Variants in KATNA1 observed in about 807,000 individuals in gnomAD.
The protein encoded by KATNA1 is katanin catalytic subunit A1.
A neutral mutation model predicts 62.6 loss-of-function variants in KATNA1; 42 were observed. The observed-to-expected ratio is 0.67, with a 90% CI of 0.52 to 0.87. The LOEUF (loss-of-function observed/expected upper bound fraction) is 0.87. Ranked by LOEUF, KATNA1 falls within the 40% of genes least tolerant of loss-of-function variation. KATNA1 has a pLI of 0.00. For missense variants in KATNA1, 498 were observed against 612.5 expected, an observed-to-expected ratio of 0.81 and a Z score of 1.97; for synonymous variants, 186 against 201.9, an observed-to-expected ratio of 0.92 and a Z score of 0.67.
chr6:149,630,509 A>C (rs1297228690), intron 3 of KATNA1, among the ~76,000 whole-genome samples: 1 of 152,166 alleles, frequency 6.6e-6, no homozygotes, highest in East Asian at 1.9e-4. Context: ...CGTGCCTGTA[A>C]TTCCAGCTAC....
intron 3 of KATNA1, among the ~76,000 whole-genome samples, chr6:149,628,432 A>G (rs1403874709): frequency 6.6e-6 from 1 of 151,938 alleles, no homozygotes; most frequent in Non-Finnish European, 1.5e-5. Flanking sequence ...TTTGTGTACA[A>G]TTCTAGAAGA....
chr6:149,600,194 T>TAAAAA (rs67468519), intron 7 of KATNA1, among the ~76,000 whole-genome samples: 1 of 67,992 alleles, frequency 1.5e-5, no homozygotes, highest in African/African-American at 6.2e-5. Flanking sequence ...GAGCTTATCT[T>TAAAAA]AAAAAAAAAA....
chr6:149,631,966 A>G (rs1193870036), intron 3 of KATNA1, among the ~76,000 whole-genome samples: 1 of 152,242 alleles, frequency 6.6e-6, no homozygotes, highest in South Asian at 2.1e-4. Flanking sequence ...CTATGAATTA[A>G]AAAGCCAATT....
At chr6:149,611,340 T>C (rs1473914900) in intron 4 of KATNA1, among the ~76,000 whole-genome samples, 1 of 150,340 alleles carries the variant, frequency 6.7e-6, no homozygotes, top group Non-Finnish European at 1.5e-5. Context: ...CGGGGGCCTG[T>C]AATCTCAGCT....
chr6:149,634,820 AT>A (rs1228879997), intron 2 of KATNA1, among the ~76,000 whole-genome samples: 1 of 152,210 alleles, frequency 6.6e-6, no homozygotes, highest in Non-Finnish European at 1.5e-5. Flanking sequence ...TCAGTAAATA[AT>A]TTCTAAAAAT....
chr6:149,622,031 A>G (rs1422605185), intron 4 of KATNA1, among the ~76,000 whole-genome samples: 2 of 152,178 alleles, frequency 1.3e-5, no homozygotes, highest in Admixed American at 1.3e-4. Context: ...TCTATATGAC[A>G]TTATTGGGAT....
chr6:149,612,380 G>A (rs1474263797), intron 4 of KATNA1, among the ~76,000 whole-genome samples: 2 of 151,990 alleles, frequency 1.3e-5, no homozygotes, highest in African/African-American at 2.4e-5. Context: ...GTGGTGGCAC[G>A]CATCTGTAAC....
At chr6:149,632,263 T>C (rs1230499328) in intron 3 of KATNA1, among the ~76,000 whole-genome samples, 3 of 151,330 alleles carry the variant, frequency 2.0e-5, no homozygotes, top group Non-Finnish European at 4.4e-5. Flanking sequence ...TAGTCCCAGC[T>C]GCTCAGGAGG....
chr6:149,605,172 C>CA (rs377444733), intron 4 of KATNA1, among the ~76,000 whole-genome samples: 1,309 of 121,332 alleles, frequency 0.011, 17 homozygotes, highest in African/African-American at 0.035. Context: ...GACACCAACT[C>CA]AAAAAAAAAA....
intron 1 of KATNA1, 178 bp from the exon 2 acceptor site, chr6:149,638,738 T>TG (rs1554226415): frequency 1.2e-5 from 5 of 432,506 alleles, no homozygotes; most frequent in Admixed American, 7.9e-5. Context: ...TTGTTTTTTT[T>TG]TTTTTTTTTT....
Position 149,623,289 on chromosome 6 carries a change from C to A in KATNA1, c.321-6G>T. 1 of 1,573,966 alleles carries A rather than the reference C, an allele frequency of 6.4e-7. No individual in the cohort carries two copies. The highest frequency in any genetic ancestry group is 1.2e-5 in the South Asian group (1 of 84,776). On this transcript the variant is annotated splice_polypyrimidine_tract_variant and splice_region_variant and intron_variant, in intron 3 of 10. Transcript: ENST00000367411. ...TTCTAGGTCCTGGTGAGGGTCTAAT[C>A]AAACAAAAACTCATTAATATCATAA... is the stretch of plus-strand genomic sequence containing the variant.
chr6:149,628,821 A>C, intron 3 of KATNA1, among the ~76,000 whole-genome samples: 1 of 149,580 alleles, frequency 6.7e-6, no homozygotes, highest in East Asian at 1.9e-4. Flanking sequence ...CTCCATCTCA[A>C]AAAAAAAAAA....
At chr6:149,640,784 T>A (rs545316689) in intron 1 of KATNA1, among the ~76,000 whole-genome samples, 1 of 152,220 alleles carries the variant, frequency 6.6e-6, no homozygotes, top group East Asian at 1.9e-4. Flanking sequence ...TGGGACCTCG[T>A]GATCCGCCCG....
At position 149,637,836 on chromosome 6, in the gene KATNA1, C is replaced by T. The variant is rs57322776; in HGVS notation, c.162+550G>A. ...GAGGAAAAAACAAAACAAAAAAAACCCCTCTTATTAGATTCCAGCAATTAG... is the reference window on the plus strand; with the variant it reads ...GAGGAAAAAACAAAACAAAAAAAACTCCTCTTATTAGATTCCAGCAATTAG... On this transcript the variant is annotated intron_variant, in intron 2 of 10. Transcript: ENST00000367411. Among the ~76,000 whole-genome samples the T allele has an allele frequency of 4.7e-3, 721 of 152,088 alleles. 5 individuals are homozygous for T. The highest frequency in any genetic ancestry group is 0.016 in the African/African-American group (683 of 41,466).
chr6:149,640,050 C>G (rs540750637), intron 1 of KATNA1, among the ~76,000 whole-genome samples: 1 of 152,128 alleles, frequency 6.6e-6, no homozygotes, highest in Admixed American at 6.5e-5. Context: ...AATCAAGTCC[C>G]TTAACTTTTT....
chr6:149,605,384 A>G (rs904271889), intron 4 of KATNA1, among the ~76,000 whole-genome samples: 2 of 152,214 alleles, frequency 1.3e-5, no homozygotes, highest in Non-Finnish European at 2.9e-5. Context: ...ATGTATTTCA[A>G]TCCTTTAGAG....
intron 3 of KATNA1, among the ~76,000 whole-genome samples, chr6:149,625,557 G>A (rs1779571895): frequency 6.6e-6 from 1 of 152,156 alleles, no homozygotes; most frequent in Non-Finnish European, 1.5e-5. Flanking sequence ...TTGAACCCAG[G>A]AGGCAGAGGT....
At chr6:149,648,277 C>T (rs1416624981) in intron 1 of KATNA1, among the ~76,000 whole-genome samples, 192 bp downstream of exon 1, 1 of 152,168 alleles carries the variant, frequency 6.6e-6, no homozygotes, top group Non-Finnish European at 1.5e-5. Flanking sequence ...TGACAGGATT[C>T]CTCAGGTAGG....
intron 1 of KATNA1, among the ~76,000 whole-genome samples, chr6:149,641,097 C>T (rs9322205): frequency 2.2e-3 from 329 of 148,142 alleles, no homozygotes; most frequent in African/African-American, 7.6e-3. Flanking sequence ...CTCGAACTCC[C>T]GATCTCGGGT....
Sources: gnomAD v4.1 joint callset for allele counts (sites outside exome capture counted in the v4.1 genomes callset) on GRCh38, gnomAD v4.1.1 for gene constraint, MANE v1.5 for transcripts, NCBI Gene and HGNC (gene_info 2026-07-23, HGNC 2026-07-21) for gene names.